Variants in COL27A1 observed in about 807,000 individuals in gnomAD.
The protein encoded by COL27A1 is collagen alpha-1(XXVII) chain.
In COL27A1, 106 loss-of-function variants were observed where a neutral mutation model predicts 251.3. That is an observed-to-expected ratio of 0.42 (90% CI 0.36 to 0.50). The LOEUF is 0.50. COL27A1 is among the 20% of genes least tolerant of loss of function. The probability of loss-of-function intolerance (pLI) is 0.00; values close to 1 mark genes in which losing one functional copy is unlikely to be tolerated. For missense variants in COL27A1, 2,325 were observed against 2,522.8 expected, an observed-to-expected ratio of 0.92 and a Z score of 1.68; for synonymous variants, 1,000 against 986.3, an observed-to-expected ratio of 1.01 and a Z score of -0.26.
chr9:114,277,890 G>A (rs1454471876), intron 37 of COL27A1, among the ~76,000 whole-genome samples: 1 of 152,162 alleles, frequency 6.6e-6, no homozygotes, highest in Non-Finnish European at 1.5e-5. Context: ...GAGTATCATG[G>A]CTGTGGAATG....
At chr9:114,269,057 A>G in intron 34 of COL27A1, 184 bp from the exon 35 acceptor site, 1 of 533,384 alleles carries the variant, frequency 1.9e-6, no homozygotes, top group Non-Finnish European at 3.4e-6. Context: ...TCCGTGGACA[A>G]GGCTTACTTG....
At chr9:114,245,991 C>G in intron 24 of COL27A1, 81 bp downstream of exon 24, 6 of 1,177,606 alleles carry the variant, frequency 5.1e-6, no homozygotes, top group Non-Finnish European at 7.5e-6. Flanking sequence ...CCAGCACCCT[C>G]CATGCACCAC....
rs1426070281 is a variant in COL27A1 at position 114,168,868 on chromosome 9, C to A, written c.1313C>A (p.Pro438His). ...RNPGMPRPPP[P>H]STRPLPPTTS... ...CCGGGAATGCCCAGGCCCCCACCGC[C>A]CAGCACCCGGCCCCTACCTCCTACC... Residue 438 changes from proline (P) to histidine (H), a missense_variant, in exon 3 of 61, where the codon CCC becomes CAC. This residue lies in a region of COL27A1 where 1,183 missense variants were observed against 1,144.1 expected (regional missense o/e 1.03). Coordinates refer to ENST00000356083, the MANE Select transcript of COL27A1 (RefSeq NM_032888.4). 6.2e-7 allele frequency: 1 copy of A among 1,614,152 alleles called. No homozygotes were observed. The highest frequency in any genetic ancestry group is 1.3e-5 in the African/African-American group (1 of 75,052).
chr9:114,251,684 C>A lies in COL27A1; in HGVS notation c.3034-909C>A, dbSNP rs77343663. Among the ~76,000 whole-genome samples the A allele has an allele frequency of 5.1e-3, 784 of 152,284 alleles. 11 individuals carry two copies. The highest frequency in any genetic ancestry group is 0.017 in the African/African-American group (708 of 41,566). ...CTTCTCACCTACAAACCATTGACTGCGCCATTCCCTTAGCCAAATGCTTTC... is the reference window on the plus strand; with the variant it reads ...CTTCTCACCTACAAACCATTGACTGAGCCATTCCCTTAGCCAAATGCTTTC... On this transcript the variant is annotated intron_variant, in intron 25 of 60. Transcript: ENST00000356083.
In COL27A1 at chr9:114,301,623, T is replaced by C. The variant is rs913233252; in HGVS notation, c.4810-59T>C. On this transcript the variant is annotated intron_variant, in intron 54 of 60. Transcript: ENST00000356083. ...CAGGTCTGCTTGAGGAGGGACTGGG[T>C]TGGGGAGAGATGAAGACCCTGTGGA... 5.8e-6 allele frequency: 9 copies of C among 1,551,902 alleles called. No individual in the cohort carries two copies. The African/African-American group carries it at 1.1e-4, about 19-fold the overall frequency.
chr9:114,261,866 C>G (rs1220712017), intron 28 of COL27A1, among the ~76,000 whole-genome samples: 2 of 152,228 alleles, frequency 1.3e-5, no homozygotes, highest in Non-Finnish European at 2.9e-5. Context: ...GTTTCTGTCC[C>G]TGTGAAAGGA....
At chr9:114,181,381 G>A (rs2135164104) in intron 4 of COL27A1, among the ~76,000 whole-genome samples, 1 of 152,260 alleles carries the variant, frequency 6.6e-6, no homozygotes, top group East Asian at 1.9e-4. Context: ...GAAGGGGAGG[G>A]TCCCAGTTCA....
intron 28 of COL27A1, among the ~76,000 whole-genome samples, chr9:114,263,491 C>A (rs7032231): frequency 0.29 from 43,973 of 151,634 alleles, 7,090 homozygotes; most frequent in Admixed American, 0.4. Context: ...GGGTTTTTTC[C>A]AGGAGAGCCC....
intron 16 of COL27A1, among the ~76,000 whole-genome samples, chr9:114,232,970 C>T (rs895019847): frequency 6.6e-6 from 1 of 152,222 alleles, no homozygotes; most frequent in Non-Finnish European, 1.5e-5. Flanking sequence ...ACTTGGGAGG[C>T]TGAGGCAGGA....
intron 25 of COL27A1, among the ~76,000 whole-genome samples, chr9:114,251,502 A>C (rs990184596): frequency 2.6e-5 from 4 of 152,040 alleles, no homozygotes; most frequent in Non-Finnish European, 5.9e-5. Context: ...GAAATTTTAA[A>C]TTTAACTTTT....
chr9:114,246,806 G>T (rs1011049784), intron 24 of COL27A1, among the ~76,000 whole-genome samples: 1 of 152,008 alleles, frequency 6.6e-6, no homozygotes, highest in African/African-American at 2.4e-5. Context: ...TCATTCGAGC[G>T]CATTCTGTGG....
intron 28 of COL27A1, among the ~76,000 whole-genome samples, chr9:114,261,472 C>T (rs930861891): frequency 6.6e-6 from 1 of 152,158 alleles, no homozygotes; most frequent in African/African-American, 2.4e-5. Context: ...TTAGAGTGTG[C>T]GGCTGTTCTC....
At chr9:114,258,056 G>C (rs548410343) in intron 27 of COL27A1, among the ~76,000 whole-genome samples, 19 of 152,112 alleles carry the variant, frequency 1.2e-4, no homozygotes, top group Non-Finnish European at 2.5e-4. Flanking sequence ...AATTAGCTGG[G>C]CATGATGGTG....
At chr9:114,227,368 G>T (rs1472886355) in intron 14 of COL27A1, among the ~76,000 whole-genome samples, 1 of 149,474 alleles carries the variant, frequency 6.7e-6, no homozygotes, top group Admixed American at 6.7e-5. Flanking sequence ...ATGGACTGTG[G>T]GGTCAGACAG....
intron 23 of COL27A1, among the ~76,000 whole-genome samples, chr9:114,243,888 CA>C (rs146751700): frequency 0.032 from 4,783 of 149,460 alleles, 262 homozygotes; most frequent in African/African-American, 0.11. Context: ...GAGCCTGTGG[CA>C]GGGGCTGGGT....
At position 114,289,250 on chromosome 9, in the gene COL27A1, G is replaced by A. The variant is rs773066824; in HGVS notation, c.4161G>A (p.Pro1387=). The A allele has an allele frequency of 9.4e-6, 15 of 1,589,408 alleles. No homozygotes were observed. Among genetic ancestry groups the A allele is most frequent in the Middle Eastern group, 1.7e-4 (1 of 5,978 alleles). Residue 1387 remains proline, a synonymous_variant, in exon 45 of 61, where the codon CCG becomes CCA. Coordinates refer to ENST00000356083, the MANE Select transcript of COL27A1 (RefSeq NM_032888.4). ...CTCACCTTGGTTTGCAGGGGCATCC[G>A]GGACCCCGGGGGTGGCCGGGACCCA... ...KPGQQGQPGH[P]GPRGWPGPKG...
chr9:114,238,487 T>C (rs1832547089), intron 19 of COL27A1, among the ~76,000 whole-genome samples: 1 of 152,204 alleles, frequency 6.6e-6, no homozygotes, highest in Non-Finnish European at 1.5e-5. Flanking sequence ...CAGGTCTTGC[T>C]CACCCATGAG....
At chr9:114,282,591 G>C in intron 39 of COL27A1, 27 bp downstream of exon 39, 1 of 1,423,448 alleles carries the variant, frequency 7.0e-7, no homozygotes, top group South Asian at 1.3e-5. Context: ...TGGGGTGGGG[G>C]AGTCAGATGT....
chr9:114,204,272 G>T (rs182470255), intron 7 of COL27A1, among the ~76,000 whole-genome samples: 355 of 152,314 alleles, frequency 2.3e-3, no homozygotes, highest in African/African-American at 8.2e-3. Flanking sequence ...GCGTAAGAGG[G>T]TCTAACATGG....
Sources: allele counts gnomAD v4.1 joint callset (sites outside exome capture counted in the v4.1 genomes callset), GRCh38; gene constraint gnomAD v4.1.1; regional missense constraint gnomAD v4.1.1; transcripts MANE v1.5; gene names NCBI Gene and HGNC (gene_info 2026-07-23, HGNC 2026-07-21).